TENM2: variants seen among roughly 807,000 people sequenced by gnomAD.
TENM2 encodes the protein teneurin transmembrane protein 2.
TENM2 carries 52 observed loss-of-function variants against 245.2 expected under a neutral mutation model. The observed-to-expected ratio is 0.21, with a 90% CI of 0.17 to 0.27. The LOEUF (loss-of-function observed/expected upper bound fraction) is 0.27, where lower values mean the gene tolerates loss of function less well. TENM2 is among the 10% of genes least tolerant of loss of function. TENM2 has a pLI of 1.00. For synonymous variants in TENM2, 1,363 were observed against 1,438.9 expected (o/e 0.95, Z 1.19); for missense variants, 3,046 against 3,666.8 (o/e 0.83, Z 4.37).
chr5:168,141,178 G>A (rs1435682779), intron 12 of TENM2, among the ~76,000 whole-genome samples: 12 of 152,122 alleles, frequency 7.9e-5, no homozygotes. Context: ...GTGTAAACCT[G>A]TTGATCTTTT....
chr5:167,644,005 C>T (rs1220789074), intron 2 of TENM2, among the ~76,000 whole-genome samples: 1 of 152,010 alleles, frequency 6.6e-6, no homozygotes, highest in Non-Finnish European at 1.5e-5. Flanking sequence ...AATATTGTAT[C>T]AGAAGGATTG....
chr5:167,141,280 G>A, the TENM2 span, among the ~76,000 whole-genome samples: 1 of 152,284 alleles, frequency 6.6e-6, no homozygotes, highest in Non-Finnish European at 1.5e-5. Flanking sequence ...TGTAGCAGAT[G>A]TGGCCTAAAC....
chr5:168,205,581 C>T (rs142078869), intron 19 of TENM2, among the ~76,000 whole-genome samples: 4 of 152,130 alleles, frequency 2.6e-5, no homozygotes, highest in African/African-American at 4.8e-5. Context: ...GAGTGATAGA[C>T]GTCAGCCATG....
At chr5:167,953,501 C>A (rs751301108) in intron 4 of TENM2, 2 of 152,586 alleles carry the variant, frequency 1.3e-5, no homozygotes, top group Non-Finnish European at 2.9e-5. Context: ...CCATATACAC[C>A]TTAATGATCT....
At position 168,244,711 on chromosome 5, in the gene TENM2, G is replaced by A. The variant is rs762591617; in HGVS notation, c.5812G>A (p.Asp1938Asn). 2.1e-6 allele frequency: 3 copies of A among 1,448,436 alleles called. No homozygotes were observed. The highest frequency in any genetic ancestry group is 2.8e-6 in the Non-Finnish European group (3 of 1,090,614). 89.7% of individuals were successfully genotyped at this position (1,448,436 alleles called of 1,614,324 possible). A position where few individuals can be genotyped will look rare whatever the true frequency, so the allele number is the denominator to read the frequency against. ...GAAAGTGTGGAGCTACTCCTACCTTGACAAGGTAGGTGAACATGCTGCCCT... is the reference window on the plus strand; with the variant it reads ...GAAAGTGTGGAGCTACTCCTACCTTAACAAGGTAGGTGAACATGCTGCCCT... The change falls in exon 26 of 29, where the codon GAC becomes AAC. Residue 1938 changes from aspartate (D) to asparagine (N), a missense_variant. Asp to Asn is a conservative substitution (Grantham distance 23). Coordinates refer to ENST00000518659, the Ensembl canonical transcript of TENM2. This position sits in a 1 kb window ranked among gnomAD's most constrained non-coding sequence, Gnocchi z 4.9.
chr5:167,303,721 T>C (rs1225131736), intron 1 of TENM2, among the ~76,000 whole-genome samples: 1 of 152,106 alleles, frequency 6.6e-6, no homozygotes, highest in Non-Finnish European at 1.5e-5. Context: ...GTATCGAGAC[T>C]ATGAATAGCT....
chr5:167,566,342 G>A (rs1178088912), intron 2 of TENM2, among the ~76,000 whole-genome samples: 2 of 152,106 alleles, frequency 1.3e-5, no homozygotes, highest in East Asian at 1.9e-4. Context: ...CAGAATGTCT[G>A]TCTGTTGTAA....
intron 12 of TENM2, among the ~76,000 whole-genome samples, chr5:168,136,839 A>G (rs905825208): frequency 2.6e-5 from 4 of 152,214 alleles, no homozygotes; most frequent in African/African-American, 9.7e-5. Flanking sequence ...AGCGGCTCTT[A>G]AAGAAAATCC....
rs141887298 is a variant in TENM2 at position 168,146,804 on chromosome 5, G to A, written c.2423-15807G>A. 6.9e-4 allele frequency among the ~76,000 whole-genome samples: 105 copies of A among 152,322 alleles called. 1 individual carries two copies. Among genetic ancestry groups the A allele is most frequent in the African/African-American group, 2.2e-3 (93 of 41,572 alleles). ...GCTTATCTGTCAATGAGAGGGGCCG[G>A]TGAGTGCTAAATCCAGGTTTACTTG... On this transcript the variant is annotated intron_variant, in intron 12 of 28. Transcript: ENST00000518659.
chr5:168,014,912 T>G (rs1352069556), intron 5 of TENM2, among the ~76,000 whole-genome samples: 1 of 152,206 alleles, frequency 6.6e-6, no homozygotes, highest in Non-Finnish European at 1.5e-5. Context: ...GCTGAAGTGC[T>G]GTTTCCATGC....
Position 167,320,987 on chromosome 5 carries a change from ATTTCCT to A in TENM2, c.226+35925_226+35930del, listed in dbSNP as rs1311635930. On this transcript the variant is annotated intron_variant, in intron 1 of 28. Coordinates refer to ENST00000518659, the Ensembl canonical transcript of TENM2. ...AATCTAGAACATACCTGCAATGCTG[ATTTCCT>A]GTTTTGTTCTTCCAAGTCACTTCCT... 1.4e-4 allele frequency among the ~76,000 whole-genome samples: 22 copies of A among 152,202 alleles called. No homozygotes were observed. The South Asian group carries it at 4.4e-3, about 30-fold the overall frequency.
At chr5:167,462,620 C>G (rs1766388440) in intron 2 of TENM2, among the ~76,000 whole-genome samples, 1 of 152,008 alleles carries the variant, frequency 6.6e-6, no homozygotes, top group African/African-American at 2.4e-5. Context: ...TGGCCAATCT[C>G]TTCTCCAACT....
the TENM2 span, among the ~76,000 whole-genome samples, chr5:167,133,010 A>G: frequency 6.6e-6 from 1 of 152,196 alleles, no homozygotes; most frequent in Non-Finnish European, 1.5e-5. Context: ...AGCAGATTGA[A>G]AAGCAAGAAG....
chr5:167,030,770 T>G, the TENM2 span, among the ~76,000 whole-genome samples: 10 of 152,132 alleles, frequency 6.6e-5, no homozygotes, highest in Non-Finnish European at 1.0e-4. Flanking sequence ...GGGAAGGAGC[T>G]TCTTTGTAGG....
the TENM2 span, among the ~76,000 whole-genome samples, chr5:167,176,288 A>G: frequency 6.6e-6 from 1 of 151,980 alleles, no homozygotes; most frequent in Admixed American, 6.6e-5. Flanking sequence ...GTTCTTTTTT[A>G]CCCAACTTGT....
At chr5:168,013,603 CAACAAAACAA>C (rs10632619) in intron 5 of TENM2, among the ~76,000 whole-genome samples, 18 of 149,928 alleles carry the variant, frequency 1.2e-4, no homozygotes, top group East Asian at 4.0e-4. Flanking sequence ...GACTCTGTCT[CAACAAAACAA>C]AACAAAACAA....
intron 4 of TENM2, chr5:167,953,593 G>C (rs911541437): frequency 1.3e-5 from 2 of 152,434 alleles, no homozygotes; most frequent in African/African-American, 4.8e-5. Context: ...GCCAGACTCT[G>C]AAACAGCCTT....
chr5:167,131,667 C>T, the TENM2 span, among the ~76,000 whole-genome samples: 1 of 152,118 alleles, frequency 6.6e-6, no homozygotes, highest in East Asian at 1.9e-4. Flanking sequence ...AATAGGAGAG[C>T]AAAATGTCAC....
intron 23 of TENM2, among the ~76,000 whole-genome samples, chr5:168,224,434 G>A (rs1763966291): frequency 1.3e-5 from 2 of 152,236 alleles, no homozygotes; most frequent in Non-Finnish European, 2.9e-5. Flanking sequence ...GAGCTTCACT[G>A]CTTCTAGTTC....
Sources: allele counts gnomAD v4.1 joint callset (sites outside exome capture counted in the v4.1 genomes callset), GRCh38; gene constraint gnomAD v4.1.1; non-coding constraint Gnocchi (gnomAD v3.1); transcripts MANE v1.5; gene names NCBI Gene and HGNC (gene_info 2026-07-23, HGNC 2026-07-21).